Variants in TBL1X observed in about 807,000 individuals in gnomAD.
TBL1X encodes the protein transducin beta like 1 X-linked.
TBL1X carries 10 observed loss-of-function variants against 50.7 expected under a neutral mutation model. The ratio of observed to expected loss-of-function variants is 0.20; its 90% CI spans 0.12 to 0.33. The LOEUF is 0.33. Ranked by LOEUF, TBL1X falls within the 10% of genes least tolerant of loss-of-function variation. The pLI, the probability that TBL1X is intolerant of heterozygous loss-of-function variation, is 1.00. For missense variants in TBL1X, 340 were observed against 504.4 expected, an observed-to-expected ratio of 0.67 and a Z score of 3.12; for synonymous variants, 190 against 214.7, an observed-to-expected ratio of 0.88 and a Z score of 1.01.
chrX:9,611,005 G>A (rs1481976485), intron 2 of TBL1X, among the ~76,000 whole-genome samples: 3 of 111,664 alleles, frequency 2.7e-5, no homozygotes, highest in Non-Finnish European at 5.6e-5. Flanking sequence ...CGGAGAAATG[G>A]CCATATTTCT....
In TBL1X at chrX:9,465,359, G is replaced by C. The variant is rs969712328; in HGVS notation, c.-289G>C. The C allele has an allele frequency of 1.9e-4, 21 of 108,999 alleles. No individual in the cohort carries two copies. The highest frequency in any genetic ancestry group is 6.9e-4 in the African/African-American group (21 of 30,512). The allele number at this position is 108,999 out of a possible 1,213,427, so 9.0% of individuals were successfully genotyped here. ...GCCGGGCCCTCTTCGGCCGCCGCAC[G>C]GCCGGGACTCGGAGGCTGCCGGCTG... On this transcript the variant is annotated 5_prime_UTR_variant, in exon 1 of 18. Coordinates refer to ENST00000645353, the MANE Select transcript of TBL1X (RefSeq NM_005647.4).
intron 2 of TBL1X, among the ~76,000 whole-genome samples, chrX:9,511,741 A>G (rs1014677840): frequency 2.0e-4 from 22 of 112,796 alleles, no homozygotes; most frequent in African/African-American, 6.8e-4. Flanking sequence ...TGGCAATTAA[A>G]GTTTTGGTCC....
chrX:9,577,555 A>T (rs2082418759), intron 2 of TBL1X, among the ~76,000 whole-genome samples: 1 of 112,099 alleles, frequency 8.9e-6, no homozygotes, highest in Admixed American at 9.4e-5. Flanking sequence ...TGGTGGTGAC[A>T]GTGGGTGCTT....
intron 11 of TBL1X, 101 bp downstream of exon 11, chrX:9,693,520 C>T: frequency 1.3e-6 from 1 of 791,051 alleles, no homozygotes; most frequent in Non-Finnish European, 1.8e-6. Flanking sequence ...AGGCTTTGTG[C>T]TTCCCCTTAA....
intron 11 of TBL1X, among the ~76,000 whole-genome samples, chrX:9,696,745 T>G (rs999827651): frequency 4.4e-5 from 5 of 112,504 alleles, no homozygotes; most frequent in Non-Finnish European, 7.5e-5. Context: ...GATGCTTTGT[T>G]CCAGGTTTTT....
intron 2 of TBL1X, among the ~76,000 whole-genome samples, chrX:9,631,123 T>A: frequency 8.9e-6 from 1 of 111,895 alleles, no homozygotes. Flanking sequence ...TTATTTATTT[T>A]GCTTTGATTT....
At chrX:9,559,546 G>A (rs2082315464) in intron 2 of TBL1X, among the ~76,000 whole-genome samples, 1 of 111,884 alleles carries the variant, frequency 8.9e-6, no homozygotes, top group African/African-American at 3.2e-5. Flanking sequence ...CCTAGGTAGA[G>A]CTTTAAGATA....
At chrX:9,712,896 G>A (rs2083256345) in intron 16 of TBL1X, among the ~76,000 whole-genome samples, 1 of 111,116 alleles carries the variant, frequency 9.0e-6, no homozygotes, top group Non-Finnish European at 1.9e-5. Flanking sequence ...GTGATAATAT[G>A]CTAGGAGCTG....
intron 12 of TBL1X, 151 bp from the exon 13 acceptor site, chrX:9,704,842 A>G: frequency 2.2e-6 from 2 of 922,710 alleles, no homozygotes; most frequent in Non-Finnish European, 3.0e-6. Flanking sequence ...TCGCACCACT[A>G]CACTCCAGCC....
chrX:9,663,159 A>C (rs769028682), intron 5 of TBL1X, among the ~76,000 whole-genome samples: 52 of 111,642 alleles, frequency 4.7e-4, no homozygotes, highest in African/African-American at 1.4e-3. Context: ...TTACATGATA[A>C]GGGCTTTTTC....
intron 2 of TBL1X, among the ~76,000 whole-genome samples, chrX:9,552,411 C>T (rs1231607324): frequency 2.7e-5 from 3 of 111,261 alleles, no homozygotes; most frequent in Non-Finnish European, 5.7e-5. Flanking sequence ...TCAAGGTTGC[C>T]TGAGGAGGAG....
Position 9,714,831 on chromosome X carries a change from G to T in TBL1X, c.1606-71G>T, listed in dbSNP as rs191254579. The stretch of plus-strand genomic sequence containing the variant: ...ATGACGAAACGTCAGGGCCGGAGGA[G>T]CGCACATTCCACACCTGCATCTGTC... On this transcript the variant is annotated intron_variant, in intron 16 of 17. Transcript: ENST00000645353. 6 of 1,004,783 alleles carry T rather than the reference G, an allele frequency of 6.0e-6. No homozygotes were observed. The East Asian group carries it at 1.6e-4, about 27-fold the overall frequency. 82.8% of individuals were successfully genotyped at this position (1,004,783 alleles called of 1,213,427 possible).
intron 7 of TBL1X, 144 bp from the exon 8 acceptor site, chrX:9,691,435 C>CAAA (rs367934787): frequency 8.5e-4 from 305 of 359,693 alleles, no homozygotes; most frequent in East Asian, 1.7e-3. Flanking sequence ...GATTCCGTCT[C>CAAA]AAAAAAAAAA....
chrX:9,714,417 A>G (rs1183179529), intron 16 of TBL1X, among the ~76,000 whole-genome samples: 4 of 111,709 alleles, frequency 3.6e-5, no homozygotes, highest in South Asian at 7.6e-4. Context: ...TATTGGGGGA[A>G]AGAGCTGTGA....
intron 1 of TBL1X, among the ~76,000 whole-genome samples, chrX:9,491,524 A>C: frequency 9.4e-6 from 1 of 106,390 alleles, no homozygotes; most frequent in East Asian, 2.9e-4. Flanking sequence ...GTAAGTTCTT[A>C]ATAGCAGTGA....
In TBL1X at chrX:9,602,356, C is replaced by CT. The variant is rs59487875; in HGVS notation, c.-130-37906dup. Among the ~76,000 whole-genome samples, 133 of 103,145 alleles carry CT rather than the reference C, an allele frequency of 1.3e-3. 9 individuals are homozygous for CT. The highest frequency in any genetic ancestry group is 5.6e-3 in the Admixed American group (54 of 9,598). The allele number at this position is 103,145 out of a possible 115,157, so 89.6% of individuals were successfully genotyped here. A position where few individuals can be genotyped will look rare whatever the true frequency, so the allele number is the denominator to read the frequency against. On this transcript the variant is annotated intron_variant, in intron 2 of 17. Transcript: ENST00000645353. ...CCAAGTTCTTTTTCTTTCTTTCTTCCTTTTTTTTTTTGGAGATAGGTACTA... is the reference window on the plus strand; with the variant it reads ...CCAAGTTCTTTTTCTTTCTTTCTTCCTTTTTTTTTTTTGGAGATAGGTACTA...
chrX:9,703,658 G>A (rs1047184274), intron 12 of TBL1X, among the ~76,000 whole-genome samples: 1 of 111,706 alleles, frequency 9.0e-6, no homozygotes, highest in Non-Finnish European at 1.9e-5. Flanking sequence ...GTGCACGGGG[G>A]CCCCCACCGT....
At chrX:9,681,571 C>T (rs1053499315) in intron 5 of TBL1X, among the ~76,000 whole-genome samples, 1 of 112,340 alleles carries the variant, frequency 8.9e-6, no homozygotes, top group African/African-American at 3.2e-5. Flanking sequence ...CTGCAAGTAC[C>T]AGTTCTGTGG....
chrX:9,565,451 A>G (rs752218425), intron 2 of TBL1X, among the ~76,000 whole-genome samples: 12 of 110,959 alleles, frequency 1.1e-4, no homozygotes, highest in African/African-American at 3.3e-4. Context: ...AAAACCAACA[A>G]TCCTTACCTA....
Sources: gnomAD v4.1 joint callset for allele counts (sites outside exome capture counted in the v4.1 genomes callset) on GRCh38, gnomAD v4.1.1 for gene constraint, MANE v1.5 for transcripts, NCBI Gene and HGNC (gene_info 2026-07-23, HGNC 2026-07-21) for gene names.